Variants in JPH2 observed in about 807,000 individuals in gnomAD.
The protein encoded by JPH2 is junctophilin 2.
In JPH2, 38 loss-of-function variants were observed where a neutral mutation model predicts 55.9. The ratio of observed to expected loss-of-function variants is 0.68; its 90% confidence interval spans 0.52 to 0.89. JPH2 has a LOEUF of 0.89. Among genes scored for constraint, JPH2 ranks in the 40% least tolerant of loss-of-function variants. The pLI, the probability that JPH2 is intolerant of heterozygous loss-of-function variation, is 0.00. For synonymous variants in JPH2, 480 were observed against 472.4 expected, an observed-to-expected ratio of 1.02 and a Z score of -0.21; for missense variants, 964 against 1,037.6, an observed-to-expected ratio of 0.93 and a Z score of 0.97.
rs139728928 is a variant in JPH2 at position 44,184,540 on chromosome 20, C to T, written c.379+1787G>A. ...GTGGATCAATGGTGCTGATGCTGCC[C>T]GTCCACCGTCCACATTTTGAGCAGT... On this transcript the variant is annotated intron_variant, in intron 1 of 5. Coordinates refer to ENST00000372980, the MANE Select transcript of JPH2 (RefSeq NM_020433.5). Among the ~76,000 whole-genome samples the T allele has an allele frequency of 1.8e-4, 27 of 152,228 alleles. No homozygotes were observed. In the East Asian group the frequency reaches 3.1e-3, roughly 17 times the overall value.
At chr20:44,131,057 C>G (rs2072314556) in intron 2 of JPH2, among the ~76,000 whole-genome samples, 1 of 152,188 alleles carries the variant, frequency 6.6e-6, no homozygotes, top group Non-Finnish European at 1.5e-5. Flanking sequence ...GCAGATTTCT[C>G]ATATGGCTCC....
At chr20:44,114,930 C>CCA (rs2072176036) in intron 4 of JPH2, 54 bp from the exon 5 acceptor site, 1 of 1,375,862 alleles carries the variant, frequency 7.3e-7, no homozygotes, top group South Asian at 1.2e-5. Context: ...GAGACACCCC[C>CCA]CACCCAGGTC....
At chr20:44,152,122 C>G (rs1172942910) in intron 2 of JPH2, among the ~76,000 whole-genome samples, 4 of 152,242 alleles carry the variant, frequency 2.6e-5, no homozygotes, top group Admixed American at 2.6e-4. Context: ...CACTGATTCA[C>G]CACTGGGTGT....
rs1359536898 is a variant in JPH2 at position 44,162,763 on chromosome 20, TATATATATATATATATATATATATACAC to T, written c.380-2384_380-2357del. Among the ~76,000 whole-genome samples the T allele has an allele frequency of 2.4e-3, 173 of 71,294 alleles. 4 individuals are homozygous for T. The South Asian group carries it at 0.08, about 33-fold the overall frequency. 46.8% of individuals were successfully genotyped at this position (71,294 alleles called of 152,430 possible). On this transcript the variant is annotated intron_variant, in intron 1 of 5. Coordinates refer to ENST00000372980, the MANE Select transcript of JPH2 (RefSeq NM_020433.5). Reference sequence around the variant, plus strand: ...AAACTTCCATATATATATATATATATATATATATATATATATATATATATACACACACACACACACACACACACACACA... The same window carrying T: ...AAACTTCCATATATATATATATATATACACACACACACACACACACACACA...
At chr20:44,124,402 G>C (rs1315971241) in intron 2 of JPH2, among the ~76,000 whole-genome samples, 1 of 152,172 alleles carries the variant, frequency 6.6e-6, no homozygotes, top group Non-Finnish European at 1.5e-5. Flanking sequence ...TAAAGAGTCA[G>C]TTTAAGACCC....
intron 1 of JPH2, 42 bp downstream of exon 1, chr20:44,186,285 C>T (rs1460754834): frequency 6.2e-7 from 1 of 1,604,646 alleles, no homozygotes; most frequent in Non-Finnish European, 8.5e-7. Flanking sequence ...TCTCACCCTC[C>T]CTGGCTCCAC....
chr20:44,137,848 A>C (rs182661654), intron 2 of JPH2, among the ~76,000 whole-genome samples: 1 of 152,090 alleles, frequency 6.6e-6, no homozygotes, highest in Non-Finnish European at 1.5e-5. Flanking sequence ...TCTCTCTGAC[A>C]CTGGGAAGAG....
At chr20:44,128,223 T>G (rs2072291189) in intron 2 of JPH2, among the ~76,000 whole-genome samples, 1 of 152,214 alleles carries the variant, frequency 6.6e-6, no homozygotes, top group South Asian at 2.1e-4. Flanking sequence ...CTAAGAATTT[T>G]ATGGTTTTAG....
intron 1 of JPH2, among the ~76,000 whole-genome samples, chr20:44,185,387 G>A (rs185182419): frequency 1.3e-5 from 2 of 152,172 alleles, no homozygotes; most frequent in African/African-American, 4.8e-5. Flanking sequence ...AATTTGGGAG[G>A]CCGAGACAGG....
At chr20:44,179,040 C>A (rs1174021434) in intron 1 of JPH2, among the ~76,000 whole-genome samples, 1 of 152,178 alleles carries the variant, frequency 6.6e-6, no homozygotes, top group Admixed American at 6.5e-5. Context: ...GGATCCAGAG[C>A]GCAGAAGCTT....
In JPH2 at chr20:44,178,982, G is replaced by A. The variant is rs185103022; in HGVS notation, c.379+7345C>T. Among the ~76,000 whole-genome samples the A allele has an allele frequency of 2.0e-5, 3 of 152,292 alleles. No individual in the cohort carries two copies. The East Asian group carries it at 5.8e-4, about 29-fold the overall frequency. ...TAACTCCCGTGTTCAGAGTCAATTG[G>A]ACTAAAATTAGCTGAAGTCATAAGC... On this transcript the variant is annotated intron_variant, in intron 1 of 5. Transcript: ENST00000372980.
intron 1 of JPH2, among the ~76,000 whole-genome samples, chr20:44,183,655 AGAG>A (rs1201264285): frequency 6.6e-6 from 1 of 152,226 alleles, no homozygotes; most frequent in Non-Finnish European, 1.5e-5. Context: ...ACTGTCAAAA[AGAG>A]GAGACACTAG....
chr20:44,184,059 A>C (rs2072810491), intron 1 of JPH2, among the ~76,000 whole-genome samples: 1 of 151,924 alleles, frequency 6.6e-6, no homozygotes, highest in Non-Finnish European at 1.5e-5. Flanking sequence ...TGGGAGGCTG[A>C]TGTAGGAGAA....
At chr20:44,179,362 A>C (rs960826580) in intron 1 of JPH2, among the ~76,000 whole-genome samples, 4 of 152,242 alleles carry the variant, frequency 2.6e-5, no homozygotes, top group African/African-American at 9.6e-5. Context: ...CCAGGGAAGG[A>C]ATAAAACACA....
At position 44,176,212 on chromosome 20, in the gene JPH2, A is replaced by G. The variant is rs533046975; in HGVS notation, c.379+10115T>C. Among the ~76,000 whole-genome samples the G allele has an allele frequency of 4.6e-5, 7 of 152,220 alleles. No homozygotes were observed. In the South Asian group the frequency reaches 1.5e-3, roughly 32 times the overall value. ...GTCATAATGTAATAAACTCACTACC[A>G]GGTCTCCATGCCACCTCCCCTCACC... On this transcript the variant is annotated intron_variant, in intron 1 of 5. Transcript: ENST00000372980.
rs1002228510 is a variant in JPH2, at chr20:44,116,831, G to A, written c.1289-445C>T. Among the ~76,000 whole-genome samples the A allele has an allele frequency of 2.6e-5, 4 of 152,364 alleles. No homozygotes were observed. The East Asian group carries it at 5.8e-4, about 22-fold the overall frequency. On this transcript the variant is annotated intron_variant, in intron 3 of 5. Coordinates refer to ENST00000372980, the MANE Select transcript of JPH2 (RefSeq NM_020433.5). ...AAGGCGGAGCTCAGGGCCCCGCACC[G>A]GCATAGACCAGCAGGGGGAGCGCTG... is the stretch of plus-strand genomic sequence containing the variant.
At chr20:44,145,547 T>C (rs752308400) in intron 2 of JPH2, among the ~76,000 whole-genome samples, 8 of 148,478 alleles carry the variant, frequency 5.4e-5, no homozygotes, top group Non-Finnish European at 1.0e-4. Flanking sequence ...GAGGCTGCAA[T>C]AAGTCGAGAT....
intron 1 of JPH2, among the ~76,000 whole-genome samples, chr20:44,180,817 TA>T (rs1466552283): frequency 2.0e-5 from 3 of 151,882 alleles, no homozygotes; most frequent in Admixed American, 1.3e-4. Context: ...TCAGGGTATT[TA>T]TGGGTCTCTG....
intron 1 of JPH2, among the ~76,000 whole-genome samples, chr20:44,162,583 C>A (rs1192942207): frequency 1.3e-5 from 2 of 151,490 alleles, no homozygotes; most frequent in East Asian, 1.9e-4. Flanking sequence ...AGCCTCCCAG[C>A]CTACATCTTC....
Sources: gnomAD v4.1 joint callset for allele counts (sites outside exome capture counted in the v4.1 genomes callset) on GRCh38, gnomAD v4.1.1 for gene constraint, MANE v1.5 for transcripts, NCBI Gene and HGNC (gene_info 2026-07-23, HGNC 2026-07-21) for gene names.